The following AKAP6 variants were observed in gnomAD, a reference collection of about 807,000 sequenced individuals.
AKAP6 encodes A-kinase anchor protein 6.
Under a neutral mutation model 188.5 loss-of-function variants are expected in AKAP6, and 58 were observed. The ratio of observed to expected loss-of-function variants is 0.31; its 90% CI spans 0.25 to 0.38. The LOEUF (loss-of-function observed/expected upper bound fraction) is 0.38, where lower values mean the gene tolerates loss of function less well. AKAP6 is among the 10% of genes least tolerant of loss of function. The pLI is 1.00. For missense variants in AKAP6, 2,710 were observed against 2,740.0 expected, an observed-to-expected ratio of 0.99 and a Z score of 0.24; for synonymous variants, 989 against 998.6, an observed-to-expected ratio of 0.99 and a Z score of 0.18.
At chr14:32,695,636 G>A (rs1373146531) in intron 8 of AKAP6, among the ~76,000 whole-genome samples, 1 of 152,126 alleles carries the variant, frequency 6.6e-6, no homozygotes, top group Non-Finnish European at 1.5e-5. Flanking sequence ...ACAAGTCACT[G>A]ACTCTCTATT....
At chr14:32,603,633 G>T (rs1343318402) in intron 7 of AKAP6, among the ~76,000 whole-genome samples, 2 of 152,158 alleles carry the variant, frequency 1.3e-5, no homozygotes, top group African/African-American at 2.4e-5. Context: ...CCCTTTTCCT[G>T]CAGGGACTAC....
At chr14:32,744,506 C>T (rs966216483) in intron 11 of AKAP6, among the ~76,000 whole-genome samples, 2 of 151,926 alleles carry the variant, frequency 1.3e-5, no homozygotes, top group Non-Finnish European at 2.9e-5. Context: ...TTGGTAGAGA[C>T]AGGGTTTCAC....
chr14:32,361,140 A>G (rs1887650146), intron 1 of AKAP6, among the ~76,000 whole-genome samples: 1 of 151,540 alleles, frequency 6.6e-6, no homozygotes, highest in South Asian at 2.1e-4. Context: ...AATCAATGTC[A>G]GGCTCTGCTA....
chr14:32,699,596 G>GT (rs1890544785), intron 9 of AKAP6, among the ~76,000 whole-genome samples: 1 of 152,064 alleles, frequency 6.6e-6, no homozygotes, highest in South Asian at 2.1e-4. Context: ...TTTCTTCTTT[G>GT]TTTTGAGACA....
chr14:32,656,800 C>G (rs1005907982), intron 7 of AKAP6, among the ~76,000 whole-genome samples: 2 of 152,134 alleles, frequency 1.3e-5, no homozygotes, highest in African/African-American at 4.8e-5. Flanking sequence ...GAACTTAAAA[C>G]CTACAAGGAA....
At chr14:32,547,688 CT>C (rs2139161233) in intron 4 of AKAP6, among the ~76,000 whole-genome samples, 1 of 152,128 alleles carries the variant, frequency 6.6e-6, no homozygotes, top group African/African-American at 2.4e-5. Context: ...GAGACCCCAT[CT>C]CTATATTAGC....
intron 4 of AKAP6, among the ~76,000 whole-genome samples, chr14:32,556,923 T>C (rs558014006): frequency 6.6e-5 from 10 of 150,758 alleles, no homozygotes; most frequent in African/African-American, 1.7e-4. Flanking sequence ...CTCTCTCTCT[T>C]TTTTTTTTAA....
At chr14:32,512,208 T>C (rs1159342934) in intron 2 of AKAP6, among the ~76,000 whole-genome samples, 1 of 152,158 alleles carries the variant, frequency 6.6e-6, no homozygotes, top group East Asian at 1.9e-4. Context: ...GTTTGGTTGA[T>C]ATTTATATTT....
At chr14:32,528,833 G>A (rs1219836517) in intron 2 of AKAP6, among the ~76,000 whole-genome samples, 2 of 151,936 alleles carry the variant, frequency 1.3e-5, no homozygotes, top group African/African-American at 4.8e-5. Context: ...ATGCAACACT[G>A]CTCCCAGCTA....
At chr14:32,352,916 A>G (rs987755427) in intron 1 of AKAP6, among the ~76,000 whole-genome samples, 1 of 152,222 alleles carries the variant, frequency 6.6e-6, no homozygotes, top group African/African-American at 2.4e-5. Flanking sequence ...ATGAATACCC[A>G]GTAGTGGAAT....
At chr14:32,431,695 G>A (rs552112394) in intron 1 of AKAP6, among the ~76,000 whole-genome samples, 4 of 152,060 alleles carry the variant, frequency 2.6e-5, no homozygotes, top group African/African-American at 9.7e-5. Flanking sequence ...GGTATTTTTA[G>A]TAGAGACAGG....
chr14:32,724,407 C>T (rs7141440), intron 9 of AKAP6, among the ~76,000 whole-genome samples: 16,982 of 152,166 alleles, frequency 0.11, 1,141 homozygotes, highest in African/African-American at 0.19. Flanking sequence ...TGAAAATCTA[C>T]TGGAAGTGCA....
At chr14:32,538,730 G>C (rs1882793727) in intron 3 of AKAP6, among the ~76,000 whole-genome samples, 1 of 152,068 alleles carries the variant, frequency 6.6e-6, no homozygotes, top group Non-Finnish European at 1.5e-5. Context: ...TAGGAAGGAA[G>C]GTGAGGGATA....
intron 7 of AKAP6, among the ~76,000 whole-genome samples, chr14:32,615,591 C>CTTTTTTTTTTTTTTTTTTTTTTTTTT (rs779867395): frequency 1.7e-5 from 2 of 115,264 alleles, no homozygotes; most frequent in Admixed American, 8.9e-5. Flanking sequence ...TAAACCATTA[C>CTTTTTTTTTTTTTTTTTTTTTTTTTT]TTTTTTTTTT....
At chr14:32,379,467 A>G (rs752553632) in intron 1 of AKAP6, among the ~76,000 whole-genome samples, 1 of 152,134 alleles carries the variant, frequency 6.6e-6, no homozygotes, top group Non-Finnish European at 1.5e-5. Context: ...ACATCAGAGT[A>G]AAGTATAAAG....
intron 12 of AKAP6, among the ~76,000 whole-genome samples, chr14:32,799,586 T>C (rs2033876053): frequency 6.6e-6 from 1 of 152,214 alleles, no homozygotes; most frequent in African/African-American, 2.4e-5. Context: ...TTTAGTAATG[T>C]GTTGTTTATT....
At chr14:32,423,696 G>A (rs538610035) in intron 1 of AKAP6, among the ~76,000 whole-genome samples, 1 of 152,186 alleles carries the variant, frequency 6.6e-6, no homozygotes, top group African/African-American at 2.4e-5. Context: ...TGTTGACTGT[G>A]GGGAATGTGG....
intron 7 of AKAP6, among the ~76,000 whole-genome samples, chr14:32,653,288 G>T (rs973754516): frequency 4.6e-5 from 7 of 152,080 alleles, no homozygotes; most frequent in East Asian, 1.9e-4. Flanking sequence ...GTGTTTGTCA[G>T]ATTTGAACTC....
chr14:32,364,004 T>A (rs1322520186), intron 1 of AKAP6, among the ~76,000 whole-genome samples: 1 of 152,126 alleles, frequency 6.6e-6, no homozygotes, highest in Non-Finnish European at 1.5e-5. Context: ...TTTCCCCCAG[T>A]AGACTGTAAG....
Sources: allele counts gnomAD v4.1 joint callset (sites outside exome capture counted in the v4.1 genomes callset), GRCh38; gene constraint gnomAD v4.1.1; transcripts MANE v1.5; gene names NCBI Gene and HGNC (gene_info 2026-07-23, HGNC 2026-07-21).